Variants in HLA-F observed in about 807,000 individuals in gnomAD.
HLA-F encodes the protein HLA class I histocompatibility antigen, alpha chain F.
A neutral mutation model predicts 49.5 loss-of-function variants in HLA-F; 46 were observed. The observed-to-expected ratio is 0.93, with a 90% CI of 0.73 to 1.19. HLA-F has a LOEUF of 1.19. HLA-F is among the 50% of genes most tolerant of loss of function. The pLI, the probability that HLA-F is intolerant of heterozygous loss-of-function variation, is 0.00. For missense variants in HLA-F, 496 were observed against 579.6 expected (o/e 0.86, Z 1.48); for synonymous variants, 203 against 233.5 (o/e 0.87, Z 1.19).
chr6:29,724,622 C>T (rs1035508635), intron 3 of HLA-F, among the ~76,000 whole-genome samples, 174 bp downstream of exon 3: 2 of 152,042 alleles, frequency 1.3e-5, no homozygotes, highest in South Asian at 2.1e-4. Flanking sequence ...TGTGAGAGTC[C>T]GCCCTGCTCT....
Position 29,724,175 on chromosome 6 carries a change from T to A in HLA-F, c.337T>A (p.Ser113Thr), listed in dbSNP as rs778048464. ...GGCTGACTGCGGGGACCGGCTAGGG[T>A]CTCACACCCTCCAGGGAATGAATGG... The part of the protein sequence containing the change: ...LRRYNQSEAG[S>T]HTLQGMNGCD... The change falls in exon 3 of 7, where the codon TCT becomes ACT. Residue 113 changes from serine (S) to threonine (T), a missense_variant and splice_region_variant. Coordinates refer to ENST00000259951, the MANE Select transcript of HLA-F (RefSeq NM_001098479.2). The A allele has an allele frequency of 6.2e-7, 1 of 1,612,366 alleles. No homozygotes were observed. Among genetic ancestry groups the A allele is most frequent in the Non-Finnish European group, 8.5e-7 (1 of 1,179,808 alleles).
intron 2 of HLA-F, 42 bp downstream of exon 2, chr6:29,723,969 C>G: frequency 1.3e-6 from 2 of 1,571,692 alleles, no homozygotes; most frequent in East Asian, 2.4e-5. Context: ...GACCACCCCC[C>G]ATCCGCCACG....
Position 29,723,866 on chromosome 6 carries a change from C to T in HLA-F, c.273C>T (p.Asn91=), listed in dbSNP as rs1419307136. 6.3e-7 allele frequency: 1 copy of T among 1,597,724 alleles called. No individual in the cohort carries two copies. The highest frequency in any genetic ancestry group is 1.7e-5 in the Admixed American group (1 of 58,254). The change falls in exon 2 of 7, where the codon AAC becomes AAT. Residue 91 remains asparagine (N), a synonymous_variant. Transcript: ENST00000259951. ...WEWTTGYAKA[N]AQTDRVALRN... ...GGACCACAGGGTACGCCAAGGCCAA[C>T]GCACAGACTGACCGAGTGGCCCTGA...
chr6:29,732,688 T>A (rs1776728424), intron 3 of HLA-F, among the ~76,000 whole-genome samples: 1 of 151,960 alleles, frequency 6.6e-6, no homozygotes, highest in Non-Finnish European at 1.5e-5. Flanking sequence ...CCTCAAGTGA[T>A]CCACCCACCT....
chr6:29,731,119 G>A (rs1166668834), downstream of HLA-F, among the ~76,000 whole-genome samples: 1 of 152,124 alleles, frequency 6.6e-6, no homozygotes, highest in Non-Finnish European at 1.5e-5. Flanking sequence ...TAGCCTAGGT[G>A]TATTTTTTAT....
intron 4 of HLA-F, 39 bp downstream of exon 4, chr6:29,725,345 A>G (rs1172184264): frequency 6.2e-7 from 1 of 1,612,932 alleles, no homozygotes; most frequent in Admixed American, 1.7e-5. Context: ...ACGAGGGGTC[A>G]TGTCTTTTCT....
At chr6:29,735,210 T>A (rs1221702788) in intron 3 of HLA-F, 1 of 146,124 alleles carries the variant, frequency 6.8e-6, no homozygotes, top group Non-Finnish European at 1.5e-5. Context: ...CACACACATA[T>A]AAACACCAAA....
At chr6:29,731,242 TA>T (rs1449511695), downstream of HLA-F, among the ~76,000 whole-genome samples, 56 of 129,252 alleles carry the variant, frequency 4.3e-4, no homozygotes, top group African/African-American at 1.4e-3. Context: ...CATAGATAGA[TA>T]GATAGATAGA....
downstream of HLA-F, among the ~76,000 whole-genome samples, chr6:29,731,702 C>T (rs1776631971): frequency 6.6e-6 from 1 of 150,892 alleles, no homozygotes; most frequent in African/African-American, 2.4e-5. Flanking sequence ...GTTATACCAG[C>T]TATCTAGGCA....
intron 3 of HLA-F, chr6:29,736,296 G>T: frequency 2.6e-6 from 1 of 387,484 alleles, no homozygotes; most frequent in South Asian, 2.0e-5. Context: ...CATTTCCAAA[G>T]CTGTTCTTGC....
chr6:29,725,054 C>A lies in HLA-F; in HGVS notation c.634C>A (p.His212Asn), dbSNP rs1237409705. ...AGATCCTCCAAAGGCACACGTTGCC[C>A]ACCACCCCATCTCTGACCATGAGGC... ...RADPPKAHVA[H>N]HPISDHEATL... Residue 212 changes from histidine to asparagine, a missense_variant, in exon 4 of 7, where the codon CAC (histidine) becomes AAC (asparagine). His to Asn is a moderately conservative substitution (Grantham distance 68). Coordinates refer to ENST00000259951, the MANE Select transcript of HLA-F (RefSeq NM_001098479.2). The A allele has an allele frequency of 1.2e-6, 2 of 1,613,886 alleles. No individual in the cohort carries two copies. Among genetic ancestry groups the A allele is most frequent in the Non-Finnish European group, 1.7e-6 (2 of 1,179,834 alleles).
At position 29,724,841 on chromosome 6, in the gene HLA-F, C is replaced by T. The variant is rs144376525; in HGVS notation, c.611-190C>T. 3.5e-3 allele frequency among the ~76,000 whole-genome samples: 530 copies of T among 152,254 alleles called. 4 individuals are homozygous for T. Among genetic ancestry groups the T allele is most frequent in the African/African-American group, 0.012 (498 of 41,548 alleles). ...TAGGTCAGGGCCAGAAGTCCCTGCTCCCCCCTCAGAGACTCTAACTTTCCA... is the reference window on the plus strand; with the variant it reads ...TAGGTCAGGGCCAGAAGTCCCTGCTTCCCCCTCAGAGACTCTAACTTTCCA... On this transcript the variant is annotated intron_variant, in intron 3 of 6. Transcript: ENST00000259951.
At chr6:29,735,453 T>C (rs1026726276) in intron 3 of HLA-F, 9 of 150,634 alleles carry the variant, frequency 6.0e-5, no homozygotes, top group African/African-American at 2.2e-4. Flanking sequence ...ACAGTCTTTT[T>C]TTTTCTGACC....
At chr6:29,729,237 T>C (rs972271086), downstream of HLA-F, 1 of 152,232 alleles carries the variant, frequency 6.6e-6, no homozygotes, top group Non-Finnish European at 1.5e-5. Flanking sequence ...TTTTATTTGA[T>C]TTTGATTTAA....
At chr6:29,724,036 C>G (rs756883390) in intron 2 of HLA-F, 109 bp downstream of exon 2, 2 of 1,544,900 alleles carry the variant, frequency 1.3e-6, no homozygotes, top group East Asian at 2.4e-5. Flanking sequence ...GGCAGCGGGA[C>G]CCGCCCAGAC....
chr6:29,726,800 C>G lies in HLA-F; in HGVS notation c.1037-83C>G, dbSNP rs1268567390. On this transcript the variant is annotated intron_variant, in intron 6 of 6. Transcript: ENST00000259951. ...GCCACATCAATGTCACAAACTTCTT[C>G]ACAGCCTGTTTGATCTGGTGCTTGT... The G allele has an allele frequency of 8.8e-5, 130 of 1,476,306 alleles. 2 individuals are homozygous for G. The South Asian group carries it at 1.4e-3, about 16-fold the overall frequency. 91.5% of individuals were successfully genotyped at this position (1,476,306 alleles called of 1,614,324 possible). A position where few individuals can be genotyped will look rare whatever the true frequency, so the allele number is the denominator to read the frequency against.
At chr6:29,724,531 C>T (rs577547188) in intron 3 of HLA-F, 83 bp downstream of exon 3, 10 of 1,385,850 alleles carry the variant, frequency 7.2e-6, no homozygotes, top group Non-Finnish European at 9.0e-6. Context: ...AAAGTGGACC[C>T]AATGCTAGGA....
Position 29,735,689 on chromosome 6 carries a change from T to C in HLA-F, c.404-2433T>C, listed in dbSNP as rs372806664. 8 of 152,314 alleles carry C rather than the reference T, an allele frequency of 5.3e-5. No homozygotes were observed. In the East Asian group the frequency reaches 1.4e-3, roughly 26 times the overall value. 9.4% of individuals were successfully genotyped at this position (152,314 alleles called of 1,614,324 possible). On this transcript the variant is annotated intron_variant, in intron 3 of 4. Coordinates refer to the HLA-F transcript ENST00000465459. ...GCTGCTTAAAATTTGTCAAGTTTGT[T>C]GGATGAATAATGTTTTTCATCAAAT...
chr6:29,727,894 C>T (rs1352063526), downstream of HLA-F: 1 of 504,464 alleles, frequency 2.0e-6, no homozygotes. Flanking sequence ...CCTAGACTCC[C>T]TTCCTGTCTT....
Sources: gnomAD v4.1 joint callset for allele counts (sites outside exome capture counted in the v4.1 genomes callset) on GRCh38, gnomAD v4.1.1 for gene constraint, MANE v1.5 for transcripts, NCBI Gene and HGNC (gene_info 2026-07-23, HGNC 2026-07-21) for gene names.